Variants in UBE2R2 observed in about 807,000 individuals in gnomAD.
UBE2R2 encodes ubiquitin-conjugating enzyme E2 R2.
In UBE2R2, 1 loss-of-function variant was observed where a neutral mutation model predicts 27.8. The ratio of observed to expected loss-of-function variants is 0.04; its 90% confidence interval spans 0.01 to 0.17. The LOEUF (loss-of-function observed/expected upper bound fraction) is 0.17. Among genes scored for constraint, UBE2R2 ranks in the 10% least tolerant of loss-of-function variants. The pLI is 1.00. For synonymous variants in UBE2R2, 106 were observed against 113.3 expected, an observed-to-expected ratio of 0.94 and a Z score of 0.41; for missense variants, 100 against 291.0, an observed-to-expected ratio of 0.34 and a Z score of 4.78.
intron 1 of UBE2R2, among the ~76,000 whole-genome samples, chr9:33,835,936 A>G (rs1031848927): frequency 2.0e-5 from 3 of 152,202 alleles, no homozygotes; most frequent in Non-Finnish European, 1.5e-5. Flanking sequence ...GTACAGCTGT[A>G]TAGTGTGATT....
At chr9:33,838,975 G>C (rs144485703) in intron 1 of UBE2R2, among the ~76,000 whole-genome samples, 1 of 151,680 alleles carries the variant, frequency 6.6e-6, no homozygotes, top group Non-Finnish European at 1.5e-5. Flanking sequence ...CCAGCTACTC[G>C]GGAGGATAAG....
intron 1 of UBE2R2, among the ~76,000 whole-genome samples, chr9:33,836,764 A>G (rs1820622715): frequency 6.9e-6 from 1 of 145,524 alleles, no homozygotes; most frequent in African/African-American, 2.6e-5. Context: ...TCTCAAAAAA[A>G]AAAAATATAT....
chr9:33,898,618 G>A (rs1313203108), intron 2 of UBE2R2, among the ~76,000 whole-genome samples: 2 of 152,090 alleles, frequency 1.3e-5, no homozygotes, highest in Non-Finnish European at 2.9e-5. Flanking sequence ...TAAGTCGTGT[G>A]TGGTAGCACA....
chr9:33,825,244 CTTTTTTTT>C (rs71506138), intron 1 of UBE2R2, among the ~76,000 whole-genome samples: 1 of 119,640 alleles, frequency 8.4e-6, no homozygotes. Flanking sequence ...AAAAGCAAAG[CTTTTTTTT>C]TTTTTTTTTT....
intron 1 of UBE2R2, among the ~76,000 whole-genome samples, chr9:33,866,861 T>C (rs554222215): frequency 9.7e-4 from 148 of 152,344 alleles, no homozygotes; most frequent in Non-Finnish European, 1.8e-3. Flanking sequence ...GGATTGTGTA[T>C]GTGAATCCAC....
intron 2 of UBE2R2, among the ~76,000 whole-genome samples, chr9:33,895,595 T>C (rs1822084349): frequency 6.6e-6 from 1 of 152,080 alleles, no homozygotes; most frequent in South Asian, 2.1e-4. Context: ...GAAGGTAGGA[T>C]TTGATAAGGA....
intron 1 of UBE2R2, among the ~76,000 whole-genome samples, chr9:33,881,495 A>G (rs1342151117): frequency 1.3e-5 from 2 of 152,164 alleles, no homozygotes; most frequent in East Asian, 3.9e-4. Context: ...TCATCATCTT[A>G]TTTCAGAGTC....
chr9:33,906,891 C>T (rs1822369444), intron 3 of UBE2R2, among the ~76,000 whole-genome samples: 1 of 152,202 alleles, frequency 6.6e-6, no homozygotes, highest in East Asian at 1.9e-4. Flanking sequence ...ATTAGCCAGG[C>T]ATGGTAGTGT....
chr9:33,894,454 TG>T (rs1451225525), intron 2 of UBE2R2, among the ~76,000 whole-genome samples: 3 of 152,130 alleles, frequency 2.0e-5, no homozygotes. Flanking sequence ...CATTTATTTT[TG>T]GGGAATGGGG....
chr9:33,909,767 T>C (rs571180140), intron 3 of UBE2R2, among the ~76,000 whole-genome samples: 4 of 152,314 alleles, frequency 2.6e-5, no homozygotes, highest in African/African-American at 9.6e-5. Flanking sequence ...AGAAAGCTCT[T>C]GAGGGAGGAA....
chr9:33,866,319 A>C (rs1769717), intron 1 of UBE2R2, among the ~76,000 whole-genome samples: 9,025 of 151,412 alleles, frequency 0.06, 618 homozygotes, highest in African/African-American at 0.17. Context: ...GCTCACTGCA[A>C]CCTCCACCTC....
At chr9:33,847,063 T>C (rs1040706930) in intron 1 of UBE2R2, among the ~76,000 whole-genome samples, 1 of 151,652 alleles carries the variant, frequency 6.6e-6, no homozygotes, top group African/African-American at 2.4e-5. Context: ...TTTTCCCCCT[T>C]TCAGTACTAT....
At position 33,886,765 on chromosome 9, in the gene UBE2R2, CAA is replaced by C. The variant is rs1821867999; in HGVS notation, c.178-115_178-114del. On this transcript the variant is annotated intron_variant, in intron 1 of 4. Transcript: ENST00000263228. Reference sequence around the variant, plus strand: ...AAGTATGTCTGAGCTACTTTAATCTCAAGAGTTTACTCTATGAAAGGAGCTTT... The same window carrying C: ...AAGTATGTCTGAGCTACTTTAATCTCGAGTTTACTCTATGAAAGGAGCTTT... 4.0e-5 allele frequency: 32 copies of C among 803,732 alleles called. No homozygotes were observed. The South Asian group carries it at 7.3e-4, about 18-fold the overall frequency. The allele number at this position is 803,732 out of a possible 1,614,324, so 49.8% of individuals were successfully genotyped here. A position where few individuals can be genotyped will look rare whatever the true frequency, so the allele number is the denominator to read the frequency against.
At chr9:33,840,406 G>A (rs1014724258) in intron 1 of UBE2R2, among the ~76,000 whole-genome samples, 2 of 152,110 alleles carry the variant, frequency 1.3e-5, no homozygotes, top group Non-Finnish European at 2.9e-5. Context: ...CACAGTTTAT[G>A]CCTCTATCCC....
At chr9:33,845,012 G>A (rs1308952996) in intron 1 of UBE2R2, among the ~76,000 whole-genome samples, 2 of 151,788 alleles carry the variant, frequency 1.3e-5, no homozygotes, top group South Asian at 2.1e-4. Flanking sequence ...CAAATGATCC[G>A]CCTGCCTCGA....
intron 2 of UBE2R2, among the ~76,000 whole-genome samples, chr9:33,898,423 T>C (rs1822171753): frequency 6.6e-6 from 1 of 152,060 alleles, no homozygotes. Context: ...TGCCTTATGG[T>C]ATCTAACCAT....
chr9:33,914,081 C>T (rs1822572179), intron 4 of UBE2R2, among the ~76,000 whole-genome samples: 1 of 152,158 alleles, frequency 6.6e-6, no homozygotes, highest in East Asian at 1.9e-4. Flanking sequence ...CCTTAATGAC[C>T]TAGTACAGTA....
At chr9:33,911,688 A>G (rs1822495163) in intron 3 of UBE2R2, among the ~76,000 whole-genome samples, 2 of 152,098 alleles carry the variant, frequency 1.3e-5, no homozygotes, top group Admixed American at 1.3e-4. Context: ...TTACCCTTAT[A>G]CTAGAATCAC....
chr9:33,864,922 G>T (rs1033660389), intron 1 of UBE2R2, among the ~76,000 whole-genome samples: 1 of 151,848 alleles, frequency 6.6e-6, no homozygotes, highest in African/African-American at 2.4e-5. Context: ...ATAGGGTTTC[G>T]CTGTGTTGGC....
Sources: gnomAD v4.1 joint callset for allele counts (sites outside exome capture counted in the v4.1 genomes callset) on GRCh38, gnomAD v4.1.1 for gene constraint, MANE v1.5 for transcripts, NCBI Gene and HGNC (gene_info 2026-07-23, HGNC 2026-07-21) for gene names.